The following TSC22D2 variants were observed in gnomAD, a reference collection of about 807,000 sequenced individuals.
TSC22D2 encodes TSC22 domain family member 2.
Under a neutral mutation model 50.1 loss-of-function variants are expected in TSC22D2, and 5 were observed. That is an observed-to-expected ratio of 0.10 (90% CI 0.05 to 0.21). The LOEUF (loss-of-function observed/expected upper bound fraction) is 0.21, where lower values mean the gene tolerates loss of function less well. Among genes scored for constraint, TSC22D2 ranks in the 10% least tolerant of loss-of-function variants. The probability of loss-of-function intolerance (pLI) is 1.00; values close to 1 mark genes in which losing one functional copy is unlikely to be tolerated. For synonymous variants in TSC22D2, 501 were observed against 450.1 expected, an observed-to-expected ratio of 1.11 and a Z score of -1.43; for missense variants, 1,003 against 1,015.5, an observed-to-expected ratio of 0.99 and a Z score of 0.17.
rs757787866 is a variant in TSC22D2, at chr3:150,410,356, A to G, written c.1006A>G (p.Met336Val). 8 of 1,599,172 alleles carry G rather than the reference A, an allele frequency of 5.0e-6. No homozygotes were observed. The South Asian group carries it at 6.7e-5, about 13-fold the overall frequency. The change falls in exon 1 of 3, where the codon ATG (methionine) becomes GTG (valine). Residue 336 changes from methionine to valine, a missense_variant. Physicochemically the swap from Met to Val is conservative, Grantham distance 21. Transcript: ENST00000688009. ...GAATGTAACCCTGGCGCAGCCGGCT[A>G]TGTCCCTGCCTCCGCAGCCGGGCCC... ...PTNVTLAQPA[M>V]SLPPQPGPAV... is the part of the protein sequence containing the mutation.
chr3:150,417,585 G>A (rs1424956811), intron 1 of TSC22D2, among the ~76,000 whole-genome samples: 4 of 151,558 alleles, frequency 2.6e-5, no homozygotes, highest in Non-Finnish European at 5.9e-5. Context: ...TGGTGTAGAT[G>A]CCTTGTTTCC....
At chr3:150,454,644 A>G (rs1443073070) in intron 1 of TSC22D2, among the ~76,000 whole-genome samples, 1 of 152,294 alleles carries the variant, frequency 6.6e-6, no homozygotes, top group African/African-American at 2.4e-5. Flanking sequence ...GGTGCATGCT[A>G]AAGTTTGAGA....
At chr3:150,458,338 T>A in intron 2 of TSC22D2, 38 bp from the exon 3 acceptor site, 1 of 1,589,460 alleles carries the variant, frequency 6.3e-7, no homozygotes, top group Non-Finnish European at 8.6e-7. Context: ...ACCTTTATCT[T>A]TTCACTCTTT....
chr3:150,410,547 C>T lies in TSC22D2; in HGVS notation c.1197C>T (p.Thr399=), dbSNP rs781585892. The change falls in exon 1 of 3, where the codon ACC becomes ACT. Residue 399 remains threonine, a synonymous_variant. Coordinates refer to ENST00000688009, the MANE Select transcript of TSC22D2 (RefSeq NM_001303264.2). ...QPPSPAQPSS[T]GAAASPATAA... is the part of the protein sequence containing the mutation. ...CAAGCCCCGCGCAGCCCTCGTCCAC[C>T]GGCGCCGCAGCGAGCCCCGCCACGG... 3.2e-6 allele frequency: 5 copies of T among 1,556,512 alleles called. No homozygotes were observed. Among genetic ancestry groups the T allele is most frequent in the African/African-American group, 2.8e-5 (2 of 72,652 alleles).
intron 1 of TSC22D2, among the ~76,000 whole-genome samples, chr3:150,418,467 C>T (rs1253315303): frequency 6.6e-6 from 1 of 151,838 alleles, no homozygotes; most frequent in African/African-American, 2.4e-5. Context: ...AGAGTAAAAT[C>T]GAAAGCCTCT....
chr3:150,450,050 GTTTA>G (rs763069547), intron 1 of TSC22D2, among the ~76,000 whole-genome samples: 51 of 151,910 alleles, frequency 3.4e-4, no homozygotes, highest in Admixed American at 1.4e-3. Flanking sequence ...AATTAAATGT[GTTTA>G]TTTAAAGTTC....
chr3:150,420,824 G>GTA (rs142458850), intron 1 of TSC22D2, among the ~76,000 whole-genome samples: 22,862 of 152,164 alleles, frequency 0.15, 1,891 homozygotes, highest in Non-Finnish European at 0.2. Context: ...GCTCATGCCT[G>GTA]TAATCCCAGC....
At chr3:150,441,619 T>C (rs889941595) in intron 1 of TSC22D2, among the ~76,000 whole-genome samples, 1 of 152,082 alleles carries the variant, frequency 6.6e-6, no homozygotes, top group African/African-American at 2.4e-5. Flanking sequence ...CTGGGTGTGG[T>C]GGTGCACACC....
intron 1 of TSC22D2, chr3:150,423,150 A>C: frequency 6.6e-7 from 1 of 1,526,302 alleles, no homozygotes; most frequent in Admixed American, 1.7e-5. Flanking sequence ...GAATGCATAC[A>C]TGCAAAACTG....
chr3:150,411,457 G>A, intron 1 of TSC22D2, 149 bp downstream of exon 1: 1 of 832,850 alleles, frequency 1.2e-6, no homozygotes. Flanking sequence ...TTAGATTGCT[G>A]ATGCTGATGT....
At position 150,464,610 on chromosome 3, in the gene TSC22D2, C is replaced by A. The variant is rs1226026224; in HGVS notation, c.*5974C>A. The stretch of plus-strand genomic sequence containing the variant: ...CAGAGTATATGTTATAGTTTGTGAA[C>A]CTTATATCATTTGTTAAATGAAAGG... On this transcript the variant is annotated 3_prime_UTR_variant, in exon 3 of 3. Coordinates refer to ENST00000688009, the MANE Select transcript of TSC22D2 (RefSeq NM_001303264.2). 1 of 152,008 alleles carries A rather than the reference C, an allele frequency of 6.6e-6. No homozygotes were observed. Among genetic ancestry groups the A allele is most frequent in the Non-Finnish European group, 1.5e-5 (1 of 68,000 alleles). The allele number at this position is 152,008 out of a possible 1,614,324, so 9.4% of individuals were successfully genotyped here.
chr3:150,436,946 C>T (rs1364524014), intron 1 of TSC22D2, among the ~76,000 whole-genome samples: 1 of 151,944 alleles, frequency 6.6e-6, no homozygotes, highest in Admixed American at 6.6e-5. Context: ...ACAATGCTGT[C>T]TTTCAGTTTT....
intron 2 of TSC22D2, among the ~76,000 whole-genome samples, chr3:150,457,559 G>A (rs1281387522): frequency 2.0e-5 from 3 of 152,154 alleles, no homozygotes; most frequent in South Asian, 4.1e-4. Context: ...CCTGAGCTGA[G>A]GTGGGAGGAT....
At position 150,465,140 on chromosome 3, in the gene TSC22D2, A is replaced by G. The variant is rs958396974; in HGVS notation, c.*6504A>G. 1 of 152,250 alleles carries G rather than the reference A, an allele frequency of 6.6e-6. No homozygotes were observed. Among genetic ancestry groups the G allele is most frequent in the South Asian group, 2.1e-4 (1 of 4,838 alleles). The allele number at this position is 152,250 out of a possible 1,614,324, so 9.4% of individuals were successfully genotyped here. On this transcript the variant is annotated 3_prime_UTR_variant, in exon 3 of 3. Transcript: ENST00000688009. ...TATTCAACAAATAGTATGGGATAGC[A>G]TAACAATTTAGAAGAAATATAAAGT... is the stretch of plus-strand genomic sequence containing the variant.
At chr3:150,445,397 A>T (rs1720852314) in intron 1 of TSC22D2, among the ~76,000 whole-genome samples, 1 of 151,270 alleles carries the variant, frequency 6.6e-6, no homozygotes, top group African/African-American at 2.4e-5. Flanking sequence ...AACAATTTTT[A>T]TTAACATATA....
rs1006267479 is a variant in TSC22D2 at position 150,410,311 on chromosome 3, G to C, written c.961G>C (p.Gly321Arg). 2.2e-5 allele frequency: 35 copies of C among 1,572,658 alleles called. No individual in the cohort carries two copies. Among genetic ancestry groups the C allele is most frequent in the Non-Finnish European group, 2.9e-5 (34 of 1,158,582 alleles). The change falls in exon 1 of 3, where the codon GGA becomes CGA. Residue 321 changes from glycine to arginine, a missense_variant. By Grantham distance (125) the Gly-to-Arg change is moderately radical (BLOSUM62 -2). Coordinates refer to ENST00000688009, the MANE Select transcript of TSC22D2 (RefSeq NM_001303264.2). ...PSQPQGAGPG[G>R]QTLPPTNVTL... is the part of the protein sequence containing the mutation. ...CCAGCCCCAGGGAGCGGGGCCCGGG[G>C]GACAGACTCTGCCGCCGACGAATGT...
rs1296378276 is a variant in TSC22D2 at position 150,461,777 on chromosome 3, A to G, written c.*3141A>G. The G allele has an allele frequency of 6.6e-6, 1 of 152,074 alleles. No individual in the cohort carries two copies. Among genetic ancestry groups the G allele is most frequent in the Non-Finnish European group, 1.5e-5 (1 of 68,030 alleles). 9.4% of individuals were successfully genotyped at this position (152,074 alleles called of 1,614,324 possible). A position where few individuals can be genotyped will look rare whatever the true frequency, so the allele number is the denominator to read the frequency against. On this transcript the variant is annotated 3_prime_UTR_variant, in exon 3 of 3. Coordinates refer to ENST00000688009, the MANE Select transcript of TSC22D2 (RefSeq NM_001303264.2). ...GTGACTGGGGATCACAGCTGCCATT[A>G]TTCACAAGAATTTTCACAGGTGAAT...
intron 1 of TSC22D2, among the ~76,000 whole-genome samples, chr3:150,436,919 G>C (rs1321798307): frequency 2.0e-5 from 3 of 152,144 alleles, no homozygotes; most frequent in Admixed American, 2.0e-4. Context: ...TTTTGAGATA[G>C]CTGCAGAGTT....
At position 150,460,254 on chromosome 3, in the gene TSC22D2, A is replaced by G. The variant is rs1264561534; in HGVS notation, c.*1618A>G. On this transcript the variant is annotated 3_prime_UTR_variant, in exon 3 of 3. Coordinates refer to ENST00000688009, the MANE Select transcript of TSC22D2 (RefSeq NM_001303264.2). Reference sequence around the variant, plus strand: ...AAGTAAAACAATTTAAAGAATGCAAAAATAGTGAGCAATATTTGTACTCAA... The same window carrying G: ...AAGTAAAACAATTTAAAGAATGCAAGAATAGTGAGCAATATTTGTACTCAA... 6.6e-6 allele frequency: 1 copy of G among 152,050 alleles called. No individual in the cohort carries two copies. Among genetic ancestry groups the G allele is most frequent in the Admixed American group, 6.6e-5 (1 of 15,252 alleles). 9.4% of individuals were successfully genotyped at this position (152,050 alleles called of 1,614,324 possible). A position where few individuals can be genotyped will look rare whatever the true frequency, so the allele number is the denominator to read the frequency against.
Sources: gnomAD v4.1 joint callset for allele counts (sites outside exome capture counted in the v4.1 genomes callset) on GRCh38, gnomAD v4.1.1 for gene constraint, MANE v1.5 for transcripts, NCBI Gene and HGNC (gene_info 2026-07-23, HGNC 2026-07-21) for gene names.